RABGGTB: variants seen among roughly 807,000 people sequenced by gnomAD.
The protein encoded by RABGGTB is geranylgeranyl transferase type-2 subunit beta.
A neutral mutation model predicts 44.5 loss-of-function variants in RABGGTB; 20 were observed. The observed-to-expected ratio is 0.45, with a 90% confidence interval of 0.32 to 0.65. RABGGTB has a LOEUF of 0.65. Among genes scored for constraint, RABGGTB ranks in the 30% least tolerant of loss-of-function variants. The pLI is 0.05. For synonymous variants in RABGGTB, 128 were observed against 136.7 expected (o/e 0.94, Z 0.44); for missense variants, 302 against 398.7 (o/e 0.76, Z 2.06).
rs1306672155 is a variant in RABGGTB at position 75,791,494 on chromosome 1, A to G, written c.502A>G (p.Ile168Val). 7 of 1,613,332 alleles carry G rather than the reference A, an allele frequency of 4.3e-6. No homozygotes were observed. The highest frequency in any genetic ancestry group is 1.7e-4 in the Middle Eastern group (1 of 5,952). ...TGATGCTATTAATGTGGAAAAGGCA[A>G]TCGAATTTGTTTTATCCTGTATGAA... ...KLDAINVEKAIEFVLSCMNFD... is the reference protein window; with the variant it reads ...KLDAINVEKAVEFVLSCMNFD... Residue 168 changes from isoleucine to valine, a missense_variant, in exon 6 of 9, where the codon ATC becomes GTC. Ile to Val is a conservative substitution (Grantham distance 29). Transcript: ENST00000319942.
rs368576389 is a variant in RABGGTB at position 75,794,593 on chromosome 1, T to C, written c.939T>C (p.Phe313=). ...AGATTAAACCTGTTAATCCTGTCTT[T>C]TGCATGCCTGAAGAAGTGCTTCAGA... ...EEQIKPVNPV[F]CMPEEVLQRV... The change falls in exon 9 of 9, where the codon TTT becomes TTC. Residue 313 remains phenylalanine (F), a synonymous_variant. Coordinates refer to ENST00000319942, the MANE Select transcript of RABGGTB (RefSeq NM_004582.4). 6.2e-7 allele frequency: 1 copy of C among 1,613,178 alleles called. No homozygotes were observed. The highest frequency in any genetic ancestry group is 8.5e-7 in the Non-Finnish European group (1 of 1,179,442).
chr1:75,791,587 A>ATTTT lies in RABGGTB; in HGVS notation c.579+16_579+17insTTTT. ...TGCTGGGCAGGTAATTTATGAATAC[A>ATTTT]GATGAAAATGTATTGTCATTTTGGA... On this transcript the variant is annotated intron_variant, in intron 6 of 8. Transcript: ENST00000319942. 1 of 1,571,062 alleles carries ATTTT rather than the reference A, an allele frequency of 6.4e-7. No individual in the cohort carries two copies. Among genetic ancestry groups the ATTTT allele is most frequent in the Non-Finnish European group, 8.7e-7 (1 of 1,152,972 alleles).
intron 3 of RABGGTB, 83 bp from the exon 4 acceptor site, chr1:75,789,869 T>C (rs1310769379): frequency 2.9e-6 from 3 of 1,029,916 alleles, no homozygotes. Context: ...AAGGATGTGC[T>C]TGACAACTTA....
At chr1:75,792,415 C>A (rs1368614670) in intron 7 of RABGGTB, 109 bp downstream of exon 7, 1 of 1,445,028 alleles carries the variant, frequency 6.9e-7, no homozygotes, top group South Asian at 1.3e-5. Flanking sequence ...TATTTATTAC[C>A]TTTCCCTGTT....
At chr1:75,793,903 T>C (rs1454144352) in intron 7 of RABGGTB, 181 bp from the exon 8 acceptor site, 6 of 559,362 alleles carry the variant, frequency 1.1e-5, no homozygotes, top group Middle Eastern at 1.0e-3. Flanking sequence ...TGATTATCTT[T>C]CATTCTAAGC....
intron 1 of RABGGTB, 36 bp from the exon 2 acceptor site, chr1:75,787,461 G>T: frequency 1.4e-6 from 2 of 1,475,392 alleles, no homozygotes; most frequent in Non-Finnish European, 1.9e-6. Context: ...CGTTGTAGAG[G>T]TAAACATTGA....
At position 75,791,295 on chromosome 1, in the gene RABGGTB, C is replaced by T. The variant is rs1257521126; in HGVS notation, c.426C>T (p.Asp142=). 11 of 1,609,338 alleles carry T rather than the reference C, an allele frequency of 6.8e-6. No individual in the cohort carries two copies. The highest frequency in any genetic ancestry group is 9.4e-6 in the Non-Finnish European group (11 of 1,175,852). The change falls in exon 5 of 9, where the codon GAC becomes GAT. Residue 142 remains aspartate, a synonymous_variant. Transcript: ENST00000319942. ...SFAGDIWGEI[D]TRFSFCAVAT... is the part of the protein sequence containing the mutation. ...CTATTTTTATTGTAGGAGAAATTGA[C>T]ACAAGATTCTCTTTTTGTGCGGTGG... is the stretch of plus-strand genomic sequence containing the variant.
chr1:75,786,219 G>T, upstream of RABGGTB: 1 of 1,612,686 alleles, frequency 6.2e-7, no homozygotes, highest in South Asian at 1.1e-5. Context: ...GCAGGCGCCC[G>T]GCTCCTAAGT....
intron 2 of RABGGTB, chr1:75,787,965 G>A: frequency 1.9e-6 from 1 of 528,930 alleles, no homozygotes; most frequent in Non-Finnish European, 3.7e-6. Flanking sequence ...GAATTACTCT[G>A]AGACCTTGAA....
At position 75,787,550 on chromosome 1, in the gene RABGGTB, A is replaced by G. The variant is rs753070718; in HGVS notation, c.57A>G (p.Leu19=). 2.5e-6 allele frequency: 4 copies of G among 1,614,092 alleles called. No homozygotes were observed. The highest frequency in any genetic ancestry group is 3.4e-6 in the Non-Finnish European group (4 of 1,179,956). Residue 19 remains leucine (L), a synonymous_variant, in exon 2 of 9, where the codon TTA becomes TTG. Coordinates refer to ENST00000319942, the MANE Select transcript of RABGGTB (RefSeq NM_004582.4). ...IIKSDAPDTL[L]LEKHADYIAS... ...AGTCAGATGCACCGGACACTTTGTT[A>G]TTGGAGAAACATGCAGATTATATCG... is the stretch of plus-strand genomic sequence containing the variant.
chr1:75,787,027 TTGAA>T, intron 1 of RABGGTB: 2 of 506,464 alleles, frequency 3.9e-6, no homozygotes, highest in Non-Finnish European at 7.9e-6. Context: ...ACTTATCTTT[TTGAA>T]TGAAAAGTGA....
intron 6 of RABGGTB, 22 bp downstream of exon 6, chr1:75,791,593 A>G (rs1473754520): frequency 6.4e-7 from 1 of 1,559,628 alleles, no homozygotes; most frequent in African/African-American, 1.4e-5. Flanking sequence ...ATACAGATGA[A>G]AATGTATTGT....
chr1:75,789,825 C>T (rs1284710201), intron 3 of RABGGTB, 127 bp from the exon 4 acceptor site: 4 of 665,204 alleles, frequency 6.0e-6, no homozygotes, highest in East Asian at 2.7e-5. Context: ...GGAGAGTCTG[C>T]ATATTTGAGA....
At chr1:75,792,949 C>T (rs1187550067) in intron 7 of RABGGTB, among the ~76,000 whole-genome samples, 1 of 152,132 alleles carries the variant, frequency 6.6e-6, no homozygotes, top group Non-Finnish European at 1.5e-5. Flanking sequence ...CCTCAGCCTC[C>T]CAAGTAGCTG....
chr1:75,791,984 T>C (rs1649657293), intron 6 of RABGGTB, 197 bp from the exon 7 acceptor site: 2 of 495,068 alleles, frequency 4.0e-6, no homozygotes, highest in Non-Finnish European at 7.1e-6. Context: ...ACAATAATAT[T>C]TCAGTGCAGA....
chr1:75,791,463 G>A lies in RABGGTB; in HGVS notation c.471G>A (p.Gly157=). ...GGCATCTTTTTTTTTGTTTGTAGGG[G>A]AAGCTTGATGCTATTAATGTGGAAA... ...FCAVATLALL[G]KLDAINVEKA... is the part of the protein sequence containing the mutation. The change falls in exon 6 of 9, where the codon GGG becomes GGA. Residue 157 remains glycine, a splice_region_variant and synonymous_variant. Transcript: ENST00000319942. 2 of 1,609,664 alleles carry A rather than the reference G, an allele frequency of 1.2e-6. No homozygotes were observed. Among genetic ancestry groups the A allele is most frequent in the Non-Finnish European group, 1.7e-6 (2 of 1,178,530 alleles).
At chr1:75,786,936 T>C (rs1207884442) in intron 1 of RABGGTB, 14 of 361,698 alleles carry the variant, frequency 3.9e-5, no homozygotes, top group Admixed American at 8.6e-5. Flanking sequence ...TTTTATTTTT[T>C]AAAAATATGC....
intron 3 of RABGGTB, 92 bp from the exon 4 acceptor site, chr1:75,789,860 A>C: frequency 1.1e-6 from 1 of 915,452 alleles, no homozygotes; most frequent in Non-Finnish European, 1.7e-6. Context: ...CAGAGACAAA[A>C]GGATGTGCTT....
Position 75,794,145 on chromosome 1 carries a change from A to G in RABGGTB, c.767A>G (p.His256Arg). ...LASLKIIGRL[H>R]WIDREKLRNF... ...TCCCTAAAGATAATTGGAAGACTTC[A>G]TTGGATTGATAGAGAGAAACTGCGT... Residue 256 changes from histidine to arginine, a missense_variant, in exon 8 of 9, where the codon CAT becomes CGT. This residue lies in a region of RABGGTB where 213 missense variants were observed against 323.7 expected (regional missense o/e 0.66). Transcript: ENST00000319942. 1 of 1,613,902 alleles carries G rather than the reference A, an allele frequency of 6.2e-7. No individual in the cohort carries two copies. The highest frequency in any genetic ancestry group is 1.1e-5 in the South Asian group (1 of 91,062).
Sources: gnomAD v4.1 joint callset for allele counts (sites outside exome capture counted in the v4.1 genomes callset) on GRCh38, gnomAD v4.1.1 for gene constraint, gnomAD v4.1.1 regional missense constraint, MANE v1.5 for transcripts, NCBI Gene and HGNC (gene_info 2026-07-23, HGNC 2026-07-21) for gene names.